Variants in PKD1L3 observed in about 807,000 individuals in gnomAD.
The protein encoded by PKD1L3 is polycystin-1-like protein 3.
In PKD1L3, 239 loss-of-function variants were observed where a neutral mutation model predicts 184.1. The observed-to-expected ratio is 1.30, with a 90% confidence interval of 1.17 to 1.45. The LOEUF is 1.45. Among genes scored for constraint, PKD1L3 ranks in the 40% most tolerant of loss-of-function variants. The pLI is 0.00. For missense variants in PKD1L3, 2,660 were observed against 2,067.2 expected, an observed-to-expected ratio of 1.29 and a Z score of -5.56; for synonymous variants, 996 against 778.8, an observed-to-expected ratio of 1.28 and a Z score of -4.64.
chr16:71,982,491 G>C (rs1391266050), intron 6 of PKD1L3, among the ~76,000 whole-genome samples: 4 of 151,922 alleles, frequency 2.6e-5, no homozygotes, highest in Admixed American at 2.0e-4. Flanking sequence ...CTCCATGTTG[G>C]TCAGGCTGGT....
intron 25 of PKD1L3, 56 bp from the exon 26 acceptor site, chr16:71,935,574 C>G (rs2038147532): frequency 1.3e-6 from 2 of 1,510,366 alleles, no homozygotes; most frequent in African/African-American, 2.8e-5. Context: ...CTAGGTCTCT[C>G]CCTGCTCAAG....
chr16:71,965,509 G>A (rs991581173), intron 15 of PKD1L3, among the ~76,000 whole-genome samples: 2 of 146,884 alleles, frequency 1.4e-5, no homozygotes, highest in Non-Finnish European at 3.0e-5. Flanking sequence ...GGGCGTGTGA[G>A]TGTTTCAGTT....
intron 22 of PKD1L3, among the ~76,000 whole-genome samples, chr16:71,945,319 CACAT>C (rs1235651000): frequency 5.3e-4 from 24 of 45,018 alleles, no homozygotes; most frequent in African/African-American, 1.7e-3. Context: ...CACACACACA[CACAT>C]ATATACACAC....
chr16:71,959,899 C>G (rs929099490), intron 16 of PKD1L3, among the ~76,000 whole-genome samples: 2 of 152,182 alleles, frequency 1.3e-5, no homozygotes, highest in Admixed American at 1.3e-4. Context: ...ATGCAGATCA[C>G]TTGAACCCAG....
chr16:71,941,383 G>A (rs914354558), intron 24 of PKD1L3, among the ~76,000 whole-genome samples: 6 of 151,694 alleles, frequency 4.0e-5, no homozygotes, highest in African/African-American at 1.5e-4. Flanking sequence ...ATTAAATACT[G>A]CAGATATTAG....
In PKD1L3 at chr16:71,967,431, T is replaced by G; in HGVS notation, c.2287-116A>C. The stretch of plus-strand genomic sequence containing the variant: ...CTATTTAGATCAAGTCTTTCGGATC[T>G]TAGACAAGCATAGATAATTCTTCAT... On this transcript the variant is annotated intron_variant, in intron 14 of 29. Transcript: ENST00000620267. 6.8e-6 allele frequency: 7 copies of G among 1,033,098 alleles called. No individual in the cohort carries two copies. In the South Asian group the frequency reaches 8.6e-5, roughly 13 times the overall value. 64.0% of individuals were successfully genotyped at this position (1,033,098 alleles called of 1,614,324 possible). A position where few individuals can be genotyped will look rare whatever the true frequency, so the allele number is the denominator to read the frequency against.
intron 16 of PKD1L3, among the ~76,000 whole-genome samples, chr16:71,958,311 C>A (rs1268484933): frequency 1.4e-5 from 2 of 145,924 alleles, no homozygotes; most frequent in Non-Finnish European, 3.0e-5. Flanking sequence ...GGCTTGAACC[C>A]GGGAGGCGGA....
At chr16:71,947,258 A>C (rs959889744) in intron 22 of PKD1L3, among the ~76,000 whole-genome samples, 2 of 152,156 alleles carry the variant, frequency 1.3e-5, no homozygotes, top group African/African-American at 4.8e-5. Context: ...ACTCCGTCTC[A>C]AAAAAATAAA....
chr16:71,978,593 G>T (rs1208976694), intron 9 of PKD1L3, among the ~76,000 whole-genome samples: 1 of 148,320 alleles, frequency 6.7e-6, no homozygotes, highest in African/African-American at 2.5e-5. Context: ...AGGATGGAGT[G>T]CAGTGGCACA....
At chr16:71,970,828 T>C (rs2039683329) in intron 12 of PKD1L3, among the ~76,000 whole-genome samples, 1 of 151,930 alleles carries the variant, frequency 6.6e-6, no homozygotes, top group Non-Finnish European at 1.5e-5. Flanking sequence ...AAATAATACA[T>C]AAATATAAAA....
intron 24 of PKD1L3, 48 bp from the exon 25 acceptor site, chr16:71,937,467 C>A: frequency 6.5e-7 from 1 of 1,531,688 alleles, no homozygotes. Context: ...AAACTTTTGC[C>A]CTCTTCTTGT....
intron 13 of PKD1L3, among the ~76,000 whole-genome samples, chr16:71,969,587 T>C (rs534598487): frequency 6.6e-6 from 1 of 151,920 alleles, no homozygotes; most frequent in East Asian, 1.9e-4. Context: ...GTTGGAATTA[T>C]AGGCATGAGC....
chr16:71,943,857 G>C (rs574930737), intron 23 of PKD1L3, among the ~76,000 whole-genome samples, 173 bp downstream of exon 23: 132 of 152,284 alleles, frequency 8.7e-4, no homozygotes, highest in African/African-American at 3.0e-3. Flanking sequence ...CCAAGGTCAG[G>C]GATCTGTCCA....
In PKD1L3 at chr16:71,979,847, C is replaced by G; in HGVS notation, c.1337G>C (p.Gly446Ala). The change falls in exon 9 of 30, where the codon GGC becomes GCC. Residue 446 changes from glycine (G) to alanine (A), a missense_variant. Coordinates refer to ENST00000620267, the MANE Select transcript of PKD1L3 (RefSeq NM_181536.2). ...TLGHPAPVRL[G>A]FPSALALKEL... ...CTTCAAAGCTAAAGCCGACGGAAAGCCTAGCCTCACAGGGGCTGGGTGACC... is the reference window on the plus strand; with the variant it reads ...CTTCAAAGCTAAAGCCGACGGAAAGGCTAGCCTCACAGGGGCTGGGTGACC... 6.6e-7 allele frequency: 1 copy of G among 1,526,620 alleles called. No homozygotes were observed. Among genetic ancestry groups the G allele is most frequent in the African/African-American group, 1.4e-5 (1 of 71,180 alleles). The allele number at this position is 1,526,620 out of a possible 1,614,324, so 94.6% of individuals were successfully genotyped here. A position where few individuals can be genotyped will look rare whatever the true frequency, so the allele number is the denominator to read the frequency against.
intron 1 of PKD1L3, among the ~76,000 whole-genome samples, chr16:71,999,209 T>C (rs531444143): frequency 1.7e-4 from 25 of 149,730 alleles, no homozygotes; most frequent in African/African-American, 6.1e-4. Context: ...AGGCGGAGCT[T>C]GCAGTGAGCC....
At chr16:71,981,113 G>C (rs551871532) in intron 7 of PKD1L3, among the ~76,000 whole-genome samples, 1 of 152,222 alleles carries the variant, frequency 6.6e-6, no homozygotes, top group African/African-American at 2.4e-5. Context: ...ATTCTACTTA[G>C]CCATCCATTA....
At chr16:71,933,794 TA>T in intron 27 of PKD1L3, 120 bp downstream of exon 27, 1 of 1,147,300 alleles carries the variant, frequency 8.7e-7, no homozygotes, top group South Asian at 1.5e-5. Flanking sequence ...GAACTAGATC[TA>T]AACCCGGCTT....
At chr16:71,935,890 G>GGCTCAA (rs2038158078) in intron 25 of PKD1L3, among the ~76,000 whole-genome samples, 1 of 151,936 alleles carries the variant, frequency 6.6e-6, no homozygotes, top group Non-Finnish European at 1.5e-5. Context: ...CCCAGGCTCA[G>GGCTCAA]GCTCAAGCAG....
At chr16:71,993,588 C>T (rs1429937758) in intron 2 of PKD1L3, among the ~76,000 whole-genome samples, 1 of 152,060 alleles carries the variant, frequency 6.6e-6, no homozygotes, top group Non-Finnish European at 1.5e-5. Context: ...CCTAGTGTTC[C>T]ATTATTGGAA....
Sources: allele counts gnomAD v4.1 joint callset (sites outside exome capture counted in the v4.1 genomes callset), GRCh38; gene constraint gnomAD v4.1.1; transcripts MANE v1.5; gene names NCBI Gene and HGNC (gene_info 2026-07-23, HGNC 2026-07-21).